GFRA1: variants seen among roughly 807,000 people sequenced by gnomAD.
GFRA1 encodes GDNF family receptor alpha-1.
In GFRA1, 16 loss-of-function variants were observed where a neutral mutation model predicts 51.6. That is an observed-to-expected ratio of 0.31 (90% CI 0.21 to 0.47). The LOEUF is 0.47. Among genes scored for constraint, GFRA1 ranks in the 20% least tolerant of loss-of-function variants. The probability of loss-of-function intolerance (pLI) is 1.00; values close to 1 mark genes in which losing one functional copy is unlikely to be tolerated. For synonymous variants in GFRA1, 270 were observed against 241.3 expected, an observed-to-expected ratio of 1.12 and a Z score of -1.10; for missense variants, 530 against 594.3, an observed-to-expected ratio of 0.89 and a Z score of 1.13.
rs112835538 is a variant in GFRA1, at chr10:116,203,068, G to A, written c.433+8563C>T. ...GGAGGGGTGCTAGAAATGAAGGCAG[G>A]TATCAGGGCTCGAGGAGGTCTGGCC... On this transcript the variant is annotated intron_variant, in intron 5 of 10. Transcript: ENST00000355422. 9.3e-4 allele frequency among the ~76,000 whole-genome samples: 141 copies of A among 152,184 alleles called. 1 individual carries two copies. In the Middle Eastern group the frequency reaches 0.01, roughly 11 times the overall value.
chr10:116,078,314 C>T (rs1415344167), intron 9 of GFRA1, among the ~76,000 whole-genome samples: 1 of 152,090 alleles, frequency 6.6e-6, no homozygotes, highest in Non-Finnish European at 1.5e-5. Context: ...TTTACAACAG[C>T]CTCTTTTCTC....
At chr10:116,104,026 T>C (rs1193706672) in intron 6 of GFRA1, among the ~76,000 whole-genome samples, 1 of 152,182 alleles carries the variant, frequency 6.6e-6, no homozygotes, top group Non-Finnish European at 1.5e-5. Context: ...CACCTAGGAC[T>C]GAGTGTGGAG....
At chr10:116,117,784 C>T (rs190429638) in intron 6 of GFRA1, among the ~76,000 whole-genome samples, 21 of 152,168 alleles carry the variant, frequency 1.4e-4, no homozygotes, top group East Asian at 9.7e-4. Flanking sequence ...GAGAAATGGG[C>T]GGAGAAACAG....
chr10:116,182,391 C>T (rs1358711756), intron 5 of GFRA1, among the ~76,000 whole-genome samples: 4 of 152,174 alleles, frequency 2.6e-5, no homozygotes, highest in African/African-American at 9.7e-5. Flanking sequence ...AGAGCTTGGA[C>T]TGAATATTAC....
chr10:116,180,770 A>ATCCCC (rs1449392522), intron 5 of GFRA1, among the ~76,000 whole-genome samples: 2 of 152,238 alleles, frequency 1.3e-5, no homozygotes, highest in African/African-American at 4.8e-5. Context: ...TGGACGTTCC[A>ATCCCC]TCCCCTCTGG....
intron 4 of GFRA1, among the ~76,000 whole-genome samples, chr10:116,260,039 G>A (rs1340786882): frequency 6.6e-6 from 1 of 152,204 alleles, no homozygotes; most frequent in Non-Finnish European, 1.5e-5. Context: ...TCAATGAGGA[G>A]AATACACAGT....
At chr10:116,215,791 C>T (rs140868141) in intron 4 of GFRA1, among the ~76,000 whole-genome samples, 33 of 152,256 alleles carry the variant, frequency 2.2e-4, no homozygotes, top group African/African-American at 7.5e-4. Context: ...AGACAACGCT[C>T]TGCTCATACT....
At chr10:116,152,131 G>A (rs564666261) in intron 5 of GFRA1, among the ~76,000 whole-genome samples, 1 of 152,298 alleles carries the variant, frequency 6.6e-6, no homozygotes, top group South Asian at 2.1e-4. Flanking sequence ...TCATCTGTGT[G>A]GAAAGGAGTT....
intron 9 of GFRA1, among the ~76,000 whole-genome samples, chr10:116,071,133 A>G (rs1565552941): frequency 6.6e-6 from 1 of 152,190 alleles, no homozygotes. Flanking sequence ...CAGGCCAGGA[A>G]GAAAACCAGG....
At position 116,188,618 on chromosome 10, in the gene GFRA1, G is replaced by A. The variant is rs143816255; in HGVS notation, c.433+23013C>T. Among the ~76,000 whole-genome samples the A allele has an allele frequency of 1.1e-3, 170 of 152,232 alleles. 3 individuals are homozygous for A. The East Asian group carries it at 0.027, about 24-fold the overall frequency. ...TCACGAGCGTATTAAAATGGTCAAT[G>A]TTGGGCCGGGCACGGTGGCTCACAC... On this transcript the variant is annotated intron_variant, in intron 5 of 10. Transcript: ENST00000355422.
At chr10:116,079,545 G>A (rs183426019) in intron 9 of GFRA1, among the ~76,000 whole-genome samples, 1 of 152,194 alleles carries the variant, frequency 6.6e-6, no homozygotes, top group Admixed American at 6.5e-5. Flanking sequence ...TGTCAAGCAG[G>A]TGCGCTTCTG....
intron 4 of GFRA1, among the ~76,000 whole-genome samples, chr10:116,253,329 C>T (rs148818552): frequency 1.5e-4 from 23 of 152,328 alleles, no homozygotes; most frequent in Admixed American, 5.9e-4. Flanking sequence ...GGGTCAAGAC[C>T]AGTTGCGGTG....
chr10:116,088,488 T>C lies in GFRA1; in HGVS notation c.1197+1253A>G, dbSNP rs568558132. Among the ~76,000 whole-genome samples, 15 of 152,280 alleles carry C rather than the reference T, an allele frequency of 9.9e-5. No individual in the cohort carries two copies. The East Asian group carries it at 2.9e-3, about 30-fold the overall frequency. On this transcript the variant is annotated intron_variant, in intron 9 of 10. Coordinates refer to ENST00000355422, the MANE Select transcript of GFRA1 (RefSeq NM_005264.8). ...TCCTGGGTTCCCAGTGCTGACTCTGTGACCCATTAGCTCTGCAGACTTGAG... is the reference window on the plus strand; with the variant it reads ...TCCTGGGTTCCCAGTGCTGACTCTGCGACCCATTAGCTCTGCAGACTTGAG...
intron 4 of GFRA1, among the ~76,000 whole-genome samples, chr10:116,255,954 C>A (rs1181418472): frequency 2.0e-5 from 3 of 152,134 alleles, no homozygotes; most frequent in Non-Finnish European, 1.5e-5. Flanking sequence ...AAATCATCTA[C>A]TATTCCTGTT....
At chr10:116,203,842 T>C (rs1023618183) in intron 5 of GFRA1, among the ~76,000 whole-genome samples, 1 of 152,192 alleles carries the variant, frequency 6.6e-6, no homozygotes, top group Admixed American at 6.6e-5. Flanking sequence ...ACAGTTCTGT[T>C]GTTTTGTCGC....
At position 116,061,745 on chromosome 10, in the gene GFRA1, G is replaced by A. The variant is rs1403763733; in HGVS notation, c.*2653C>T. ...CCCGGACTGAAGGACAGGAAGTAGC[G>A]AATCATTTTTGCTTTTAAGCACGCC... On this transcript the variant is annotated 3_prime_UTR_variant, in exon 11 of 11. Coordinates refer to ENST00000355422, the MANE Select transcript of GFRA1 (RefSeq NM_005264.8). 1.1e-5 allele frequency: 4 copies of A among 362,382 alleles called. No homozygotes were observed. Among genetic ancestry groups the A allele is most frequent in the Admixed American group, 4.7e-5 (1 of 21,490 alleles). 22.4% of individuals were successfully genotyped at this position (362,382 alleles called of 1,614,324 possible).
chr10:116,123,092 CCTACAGCTTCTTGG>C (rs1469878698), intron 6 of GFRA1, among the ~76,000 whole-genome samples: 4 of 152,220 alleles, frequency 2.6e-5, no homozygotes, highest in Non-Finnish European at 5.9e-5. Flanking sequence ...AGCAAAGCTC[CCTACAGCTTCTTGG>C]CTGCATTCAT....
chr10:116,144,460 G>A (rs902581106), intron 5 of GFRA1, among the ~76,000 whole-genome samples: 3 of 151,730 alleles, frequency 2.0e-5, no homozygotes, highest in Admixed American at 6.6e-5. Context: ...TGAGGAATAC[G>A]AGATAATGTC....
intron 5 of GFRA1, among the ~76,000 whole-genome samples, chr10:116,176,413 A>G (rs2134249949): frequency 6.6e-6 from 1 of 152,204 alleles, no homozygotes; most frequent in East Asian, 1.9e-4. Context: ...TCAAGGGGAC[A>G]GATCCCTGAT....
Sources: gnomAD v4.1 joint callset for allele counts (sites outside exome capture counted in the v4.1 genomes callset) on GRCh38, gnomAD v4.1.1 for gene constraint, MANE v1.5 for transcripts, NCBI Gene and HGNC (gene_info 2026-07-23, HGNC 2026-07-21) for gene names.